Variants in ZNF385D observed in about 807,000 individuals in gnomAD.
The protein encoded by ZNF385D is zinc finger protein 385D, also known as zinc finger protein 659.
A neutral mutation model predicts 35.8 loss-of-function variants in ZNF385D; 15 were observed. The observed-to-expected ratio is 0.42, with a 90% CI of 0.28 to 0.64. The LOEUF (loss-of-function observed/expected upper bound fraction) is 0.64. Among genes scored for constraint, ZNF385D ranks in the 30% least tolerant of loss-of-function variants. ZNF385D has a pLI of 0.23. For synonymous variants in ZNF385D, 212 were observed against 186.8 expected (o/e 1.13, Z -1.10); for missense variants, 474 against 494.6 (o/e 0.96, Z 0.39).
At position 21,831,943 on chromosome 3, in the gene ZNF385D, TAATA is replaced by T. The variant is rs1303196691; in HGVS notation, c.326-166919_326-166916del. On this transcript the variant is annotated intron_variant, in intron 3 of 5. Transcript: ENST00000494108. ...CTTAAACATCTTATGAGAAATGGGC[TAATA>T]AATGTGCTTTTAAAATATAAACATT... 5.3e-5 allele frequency among the ~76,000 whole-genome samples: 8 copies of T among 152,314 alleles called. 1 individual carries two copies. Among genetic ancestry groups the T allele is most frequent in the African/African-American group, 9.6e-5 (4 of 41,578 alleles).
intron 2 of ZNF385D, among the ~76,000 whole-genome samples, chr3:22,278,034 G>GT (rs1389969692): frequency 6.6e-5 from 10 of 152,022 alleles, no homozygotes; most frequent in Admixed American, 3.3e-4. Context: ...CCAACACTGT[G>GT]TATCTCCACC....
rs1373681214 is a variant in ZNF385D at position 22,084,132 on chromosome 3, C to T, written c.325+84685G>A. 2.0e-5 allele frequency among the ~76,000 whole-genome samples: 3 copies of T among 152,182 alleles called. No homozygotes were observed. In the East Asian group the frequency reaches 5.8e-4, roughly 29 times the overall value. ...AGTACCAGCCACTGCAAAAACATGC[C>T]AAATTGTAACGACCATCGTTGCTAG... On this transcript the variant is annotated intron_variant, in intron 3 of 5. Coordinates refer to the ZNF385D transcript ENST00000494108.
chr3:22,349,209 A>G (rs1695803800), intron 2 of ZNF385D, among the ~76,000 whole-genome samples: 1 of 152,196 alleles, frequency 6.6e-6, no homozygotes. Flanking sequence ...TCAGAATTAA[A>G]TGAGCCCATG....
At chr3:21,478,340 GT>G (rs1446876218) in intron 4 of ZNF385D, among the ~76,000 whole-genome samples, 5 of 152,192 alleles carry the variant, frequency 3.3e-5, no homozygotes, top group African/African-American at 1.2e-4. Flanking sequence ...ATATATGCCT[GT>G]GTGCAACTGA....
At chr3:21,969,288 G>C (rs554347429) in intron 3 of ZNF385D, among the ~76,000 whole-genome samples, 3 of 152,182 alleles carry the variant, frequency 2.0e-5, no homozygotes, top group African/African-American at 7.2e-5. Flanking sequence ...CACGTGTTAA[G>C]GGAAAGACCA....
chr3:21,437,701 C>CAAAAAAAA lies in ZNF385D; in HGVS notation c.440-506_440-499dup, dbSNP rs751739275. On this transcript the variant is annotated intron_variant, in intron 4 of 7. Transcript: ENST00000281523. ...ACAGATCCTTTTGCAAATGCTTATA[C>CAAAAAAAA]AAAAAAAAAAAAAAAAAACCGGAAC... Among the ~76,000 whole-genome samples the CAAAAAAAA allele has an allele frequency of 6.3e-4, 49 of 77,202 alleles. 8 individuals are homozygous for CAAAAAAAA. Among genetic ancestry groups the CAAAAAAAA allele is most frequent in the African/African-American group, 1.7e-3 (32 of 19,088 alleles). 50.6% of individuals were successfully genotyped at this position (77,202 alleles called of 152,430 possible). A position where few individuals can be genotyped will look rare whatever the true frequency, so the allele number is the denominator to read the frequency against.
At chr3:22,220,367 A>G (rs1559461013) in intron 2 of ZNF385D, among the ~76,000 whole-genome samples, 1 of 152,176 alleles carries the variant, frequency 6.6e-6, no homozygotes, top group Non-Finnish European at 1.5e-5. Context: ...CACTGCCTCC[A>G]GCAAAAAGTT....
chr3:22,175,762 T>A (rs1294538962), intron 2 of ZNF385D, among the ~76,000 whole-genome samples: 2 of 151,562 alleles, frequency 1.3e-5, no homozygotes, highest in Non-Finnish European at 3.0e-5. Flanking sequence ...ATTATACATA[T>A]GCATATATAA....
intron 3 of ZNF385D, among the ~76,000 whole-genome samples, chr3:21,762,012 G>A (rs928382882): frequency 3.3e-5 from 5 of 150,276 alleles, no homozygotes; most frequent in South Asian, 2.1e-4. Flanking sequence ...CCGAGTAGCC[G>A]AGATTACAAG....
chr3:21,603,580 C>T (rs4858337), intron 2 of ZNF385D, among the ~76,000 whole-genome samples: 107,153 of 151,746 alleles, frequency 0.71, 38,632 homozygotes, highest in East Asian at 0.9. Context: ...TATAATAACT[C>T]TAAACAAGTG....
intron 3 of ZNF385D, among the ~76,000 whole-genome samples, chr3:22,126,464 T>C (rs4858029): frequency 0.2 from 30,482 of 151,878 alleles, 3,295 homozygotes; most frequent in East Asian, 0.4. Flanking sequence ...CAGGAGCATA[T>C]TGTTTACTTT....
intron 3 of ZNF385D, among the ~76,000 whole-genome samples, chr3:22,070,262 T>C (rs1383340698): frequency 6.6e-6 from 1 of 152,176 alleles, no homozygotes. Flanking sequence ...ATAGGTCCAC[T>C]TATTTTTAAG....
chr3:21,585,895 G>A (rs1450722191), intron 2 of ZNF385D, among the ~76,000 whole-genome samples: 4 of 152,146 alleles, frequency 2.6e-5, no homozygotes, highest in Non-Finnish European at 4.4e-5. Context: ...CTGGCCTGGC[G>A]CAGTAGCTCA....
intron 3 of ZNF385D, among the ~76,000 whole-genome samples, chr3:22,056,657 A>G (rs1699418358): frequency 6.6e-6 from 1 of 152,254 alleles, no homozygotes; most frequent in Non-Finnish European, 1.5e-5. Context: ...ATTCAAAACT[A>G]TTGTTCAGTG....
intron 3 of ZNF385D, among the ~76,000 whole-genome samples, chr3:21,765,722 C>CAGAGAGAAACAG (rs1553656824): frequency 6.6e-6 from 1 of 151,378 alleles, no homozygotes; most frequent in Non-Finnish European, 1.5e-5. Flanking sequence ...CATACACACA[C>CAGAGAGAAACAG]AGAGAGAGAA....
chr3:22,213,689 A>G (rs1032726648), intron 2 of ZNF385D, among the ~76,000 whole-genome samples: 6 of 152,028 alleles, frequency 3.9e-5, no homozygotes, highest in Non-Finnish European at 7.4e-5. Flanking sequence ...TTAAGTCACT[A>G]TAACTCCAAA....
chr3:21,470,038 T>A (rs1314922803), intron 4 of ZNF385D, among the ~76,000 whole-genome samples: 1 of 152,240 alleles, frequency 6.6e-6, no homozygotes, highest in East Asian at 1.9e-4. Flanking sequence ...GTATAGCTAC[T>A]TTTCTCTAAG....
intron 2 of ZNF385D, among the ~76,000 whole-genome samples, chr3:21,651,140 C>T (rs1242023996): frequency 7.1e-6 from 1 of 140,394 alleles, no homozygotes; most frequent in Non-Finnish European, 1.5e-5. Flanking sequence ...AAAAAAAAAT[C>T]AGCTGGGTGT....
At chr3:21,874,607 C>A (rs1697867881) in intron 3 of ZNF385D, among the ~76,000 whole-genome samples, 1 of 151,954 alleles carries the variant, frequency 6.6e-6, no homozygotes, top group Non-Finnish European at 1.5e-5. Flanking sequence ...ATTACTGTAG[C>A]TTTGTAATAT....
Sources: gnomAD v4.1 joint callset for allele counts (sites outside exome capture counted in the v4.1 genomes callset) on GRCh38, gnomAD v4.1.1 for gene constraint, MANE v1.5 for transcripts, NCBI Gene and HGNC (gene_info 2026-07-23, HGNC 2026-07-21) for gene names.